Variants in ADRA1D observed in about 807,000 individuals in gnomAD.
ADRA1D encodes adrenoceptor alpha 1D, also known as alpha-1D adrenergic receptor.
In ADRA1D, 22 loss-of-function variants were observed where a neutral mutation model predicts 18.6. The observed-to-expected ratio is 1.19, with a 90% CI of 0.85 to 1.69. The LOEUF (loss-of-function observed/expected upper bound fraction) is 1.69. Among genes scored for constraint, ADRA1D ranks in the 40% most tolerant of loss-of-function variants. The pLI, the probability that ADRA1D is intolerant of heterozygous loss-of-function variation, is 0.00. For missense variants in ADRA1D, 840 were observed against 840.7 expected (o/e 1.00, Z 0.01); for synonymous variants, 376 against 388.2 (o/e 0.97, Z 0.37).
intron 1 of ADRA1D, among the ~76,000 whole-genome samples, chr20:4,245,710 A>AG (rs897325892): frequency 6.6e-6 from 1 of 151,614 alleles, no homozygotes; most frequent in African/African-American, 2.4e-5. Context: ...GTGTGAACCG[A>AG]GGGGCAGGGG....
In ADRA1D at chr20:4,248,619, A is replaced by G; in HGVS notation, c.339T>C (p.Gly113=). The G allele has an allele frequency of 5.0e-6, 8 of 1,611,678 alleles. No homozygotes were observed. The highest frequency in any genetic ancestry group is 6.8e-6 in the Non-Finnish European group (8 of 1,179,548). Residue 113 remains glycine, a synonymous_variant, in exon 1 of 2, where the codon GGT becomes GGC. Coordinates refer to ENST00000379453, the MANE Select transcript of ADRA1D (RefSeq NM_000678.4). ...LAAFILMAVA[G]NLLVILSVAC... The stretch of plus-strand genomic sequence containing the variant: ...CCACTGAGAGGATGACAAGCAGGTT[A>G]CCTGCCACGGCCATAAGGATGAAGG...
At chr20:4,230,686 A>G (rs1980932126) in intron 1 of ADRA1D, among the ~76,000 whole-genome samples, 1 of 152,210 alleles carries the variant, frequency 6.6e-6, no homozygotes, top group Non-Finnish European at 1.5e-5. Flanking sequence ...ATCAATCGAA[A>G]CATGGTGCTG....
intron 1 of ADRA1D, among the ~76,000 whole-genome samples, chr20:4,225,796 G>A (rs767355279): frequency 3.6e-4 from 55 of 152,266 alleles, no homozygotes; most frequent in Non-Finnish European, 6.6e-4. Flanking sequence ...CCAGTTTCTA[G>A]CTCTGGAGAG....
chr20:4,227,728 T>TCTCTCCCTCCC, intron 1 of ADRA1D, among the ~76,000 whole-genome samples: 1 of 116,960 alleles, frequency 8.5e-6, no homozygotes, highest in Admixed American at 9.3e-5. Flanking sequence ...CCTTCCTTCC[T>TCTCTCCCTCCC]TCCTTCCTTC....
In ADRA1D at chr20:4,248,580, G is replaced by T. The variant is rs751776652; in HGVS notation, c.378C>A (p.His126Gln). 2.5e-6 allele frequency: 4 copies of T among 1,613,784 alleles called. No homozygotes were observed. The South Asian group carries it at 3.3e-5, about 13-fold the overall frequency. Reference protein sequence around the residue: ...LVILSVACNRHLQTVTNYFIV... With the variant: ...LVILSVACNRQLQTVTNYFIV... ...TGAAATAGTTGGTGACGGTCTGCAG[G>T]TGGCGGTTGCAGGCCACTGAGAGGA... is the stretch of plus-strand genomic sequence containing the variant. Residue 126 changes from histidine to glutamine, a missense_variant, in exon 1 of 2, where the codon CAC becomes CAA. Transcript: ENST00000379453.
Position 4,248,228 on chromosome 20 carries a change from G to A in ADRA1D, c.730C>T (p.Arg244Cys). The A allele has an allele frequency of 2.5e-6, 4 of 1,601,692 alleles. No individual in the cohort carries two copies. Among genetic ancestry groups the A allele is most frequent in the Non-Finnish European group, 3.4e-6 (4 of 1,174,518 alleles). Residue 244 changes from arginine to cysteine, a missense_variant, in exon 1 of 2, where the codon CGC becomes TGC. By Grantham distance (180) the Arg-to-Cys change is radical. Coordinates refer to ENST00000379453, the MANE Select transcript of ADRA1D (RefSeq NM_000678.4). Reference sequence around the variant, plus strand: ...GCCTCCTCGGTGATACCGCAGAAGCGCTCGTCAGGGGGCACGGGCTCCTTC... The same window carrying A: ...GCCTCCTCGGTGATACCGCAGAAGCACTCGTCAGGGGGCACGGGCTCCTTC... ...GWKEPVPPDE[R>C]FCGITEEAGY...
At chr20:4,226,665 G>T (rs1980807906) in intron 1 of ADRA1D, among the ~76,000 whole-genome samples, 1 of 152,200 alleles carries the variant, frequency 6.6e-6, no homozygotes, top group African/African-American at 2.4e-5. Flanking sequence ...CCTGGGCAAA[G>T]AAATGCAGGC....
chr20:4,225,428 C>CCTTTT (rs1980772795), intron 1 of ADRA1D, among the ~76,000 whole-genome samples: 1 of 119,540 alleles, frequency 8.4e-6, no homozygotes, highest in Non-Finnish European at 1.7e-5. Context: ...TTTTTTCTTT[C>CCTTTT]TTTTTTTTTT....
chr20:4,242,335 G>A (rs2122674977), intron 1 of ADRA1D, among the ~76,000 whole-genome samples: 1 of 152,262 alleles, frequency 6.6e-6, no homozygotes, highest in East Asian at 1.9e-4. Flanking sequence ...CTCATCTCTT[G>A]ACCCCTCTTC....
chr20:4,237,985 A>C (rs1305705058), intron 1 of ADRA1D, among the ~76,000 whole-genome samples: 3 of 150,510 alleles, frequency 2.0e-5, no homozygotes, highest in Non-Finnish European at 3.0e-5. Flanking sequence ...CAGTGGCTCA[A>C]ACCTGTAATC....
intron 1 of ADRA1D, among the ~76,000 whole-genome samples, chr20:4,228,937 C>T (rs924441787): frequency 6.6e-6 from 1 of 152,220 alleles, no homozygotes; most frequent in Admixed American, 6.5e-5. Context: ...CCTGACCTCA[C>T]TCTGCTCTGC....
intron 1 of ADRA1D, among the ~76,000 whole-genome samples, chr20:4,224,721 G>C (rs550668938): frequency 2.3e-4 from 34 of 149,000 alleles, no homozygotes; most frequent in East Asian, 8.1e-4. Context: ...GGGTAGGGGG[G>C]GGTCCTTAAC....
In ADRA1D at chr20:4,221,970, G is replaced by A. The variant is rs1398014044; in HGVS notation, c.1272C>T (p.Arg424=). The A allele has an allele frequency of 2.6e-6, 4 of 1,557,884 alleles. No individual in the cohort carries two copies. The highest frequency in any genetic ancestry group is 2.7e-5 in the African/African-American group (2 of 73,010). ...CACGCCAGAGAGGGCGGCGGCGCCG[G>A]CGACGACGGCACTGGCAGCGCAGGA... ...LRLLRCQCRR[R]RRRRPLWRVY... Residue 424 remains arginine, a synonymous_variant, in exon 2 of 2, where the codon CGC becomes CGT. Coordinates refer to ENST00000379453, the MANE Select transcript of ADRA1D (RefSeq NM_000678.4).
intron 1 of ADRA1D, among the ~76,000 whole-genome samples, chr20:4,223,931 G>C (rs185156426): frequency 6.6e-6 from 1 of 152,198 alleles, no homozygotes; most frequent in Non-Finnish European, 1.5e-5. Context: ...TCCCACTGTA[G>C]CTCCCCACTG....
intron 1 of ADRA1D, among the ~76,000 whole-genome samples, chr20:4,224,767 C>CA (rs35009840): frequency 1.3e-4 from 13 of 103,034 alleles, no homozygotes; most frequent in Admixed American, 1.9e-4. Flanking sequence ...CTCTTGCCTT[C>CA]AAAAAAAAAA....
intron 1 of ADRA1D, among the ~76,000 whole-genome samples, chr20:4,226,052 C>A (rs1449452587): frequency 6.6e-6 from 1 of 152,186 alleles, no homozygotes; most frequent in East Asian, 1.9e-4. Flanking sequence ...TTATATTTAG[C>A]CCAGGATGAC....
chr20:4,247,334 T>TG (rs1298203203), intron 1 of ADRA1D, among the ~76,000 whole-genome samples: 1 of 152,196 alleles, frequency 6.6e-6, no homozygotes, highest in Non-Finnish European at 1.5e-5. Context: ...AAACACCAGC[T>TG]GGGGAGGGTC....
chr20:4,223,559 G>A (rs1244531840), intron 1 of ADRA1D, among the ~76,000 whole-genome samples: 1 of 152,170 alleles, frequency 6.6e-6, no homozygotes, highest in Admixed American at 6.5e-5. Context: ...AGATGCAGGT[G>A]GGGTGATGAT....
chr20:4,243,467 G>A (rs974956884), intron 1 of ADRA1D, among the ~76,000 whole-genome samples: 1 of 152,210 alleles, frequency 6.6e-6, no homozygotes, highest in African/African-American at 2.4e-5. Flanking sequence ...TACCTGGCAT[G>A]GGCGGGGCTG....
Sources: gnomAD v4.1 joint callset for allele counts (sites outside exome capture counted in the v4.1 genomes callset) on GRCh38, gnomAD v4.1.1 for gene constraint, MANE v1.5 for transcripts, NCBI Gene and HGNC (gene_info 2026-07-23, HGNC 2026-07-21) for gene names.